The following RPS6KA6 variants were observed in gnomAD, a reference collection of about 807,000 sequenced individuals.
The protein encoded by RPS6KA6 is ribosomal protein S6 kinase alpha-6.
Under a neutral mutation model 65.4 loss-of-function variants are expected in RPS6KA6, and 27 were observed. The ratio of observed to expected loss-of-function variants is 0.41; its 90% CI spans 0.30 to 0.57. The LOEUF is 0.57. Among genes scored for constraint, RPS6KA6 ranks in the 20% least tolerant of loss-of-function variants. The probability of loss-of-function intolerance (pLI) is 0.24; values close to 1 mark genes in which losing one functional copy is unlikely to be tolerated. For synonymous variants in RPS6KA6, 190 were observed against 184.2 expected (o/e 1.03, Z -0.26); for missense variants, 486 against 555.6 (o/e 0.87, Z 1.26).
At chrX:84,078,531 CA>C (rs2033710723) in intron 20 of RPS6KA6, among the ~76,000 whole-genome samples, 1 of 111,064 alleles carries the variant, frequency 9.0e-6, no homozygotes, top group Non-Finnish European at 1.9e-5. Flanking sequence ...CACAAAACAA[CA>C]CAAATGTCCA....
At chrX:84,067,893 G>A (rs1284584695) in intron 20 of RPS6KA6, among the ~76,000 whole-genome samples, 1 of 111,887 alleles carries the variant, frequency 8.9e-6, no homozygotes, top group Non-Finnish European at 1.9e-5. Context: ...CCTACAAAGG[G>A]AAGCTCATCA....
chrX:84,162,152 A>C, intron 2 of RPS6KA6, among the ~76,000 whole-genome samples: 1 of 110,644 alleles, frequency 9.0e-6, no homozygotes, highest in East Asian at 2.8e-4. Context: ...GATATTAGAT[A>C]TAGTTTATCA....
At chrX:84,099,053 T>G (rs753644881) in intron 18 of RPS6KA6, among the ~76,000 whole-genome samples, 3 of 111,184 alleles carry the variant, frequency 2.7e-5, no homozygotes, top group Admixed American at 1.9e-4. Context: ...TTTCCCTGAT[T>G]CCCTTAGGAA....
chrX:84,091,852 C>A (rs1016308422), intron 20 of RPS6KA6, among the ~76,000 whole-genome samples: 13 of 111,855 alleles, frequency 1.2e-4, no homozygotes, highest in Non-Finnish European at 2.3e-4. Flanking sequence ...GAATACTATG[C>A]AGCCATAAAA....
rs1362550536 is a variant in RPS6KA6, at chrX:84,104,648, C to T, written c.1465G>A (p.Asp489Asn). 9.0e-7 allele frequency: 1 copy of T among 1,107,571 alleles called. No individual in the cohort carries two copies. Among genetic ancestry groups the T allele is most frequent in the Non-Finnish European group, 1.2e-6 (1 of 833,588 alleles). The allele number at this position is 1,107,571 out of a possible 1,213,427, so 91.3% of individuals were successfully genotyped here. A position where few individuals can be genotyped will look rare whatever the true frequency, so the allele number is the denominator to read the frequency against. Reference protein sequence around the residue: ...NIITLKDVFDDGRYVYLVTDL... With the variant: ...NIITLKDVFDNGRYVYLVTDL... ...GTAACAAGGTAAACATATCTACCATCATCAAAGACCTACAAAAGAACGCAG... is the reference window on the plus strand; with the variant it reads ...GTAACAAGGTAAACATATCTACCATTATCAAAGACCTACAAAAGAACGCAG... The change falls in exon 17 of 22, where the codon GAT becomes AAT. Residue 489 changes from aspartate (D) to asparagine (N), a missense_variant. By Grantham distance (23) the Asp-to-Asn change is conservative. Coordinates refer to ENST00000262752, the MANE Select transcript of RPS6KA6 (RefSeq NM_014496.5).
chrX:84,148,586 A>G (rs2035242101), intron 3 of RPS6KA6, among the ~76,000 whole-genome samples: 1 of 111,236 alleles, frequency 9.0e-6, no homozygotes, highest in South Asian at 3.8e-4. Context: ...GAATTTTGTG[A>G]TGTAAGAGAT....
intron 5 of RPS6KA6, 38 bp from the exon 6 acceptor site, chrX:84,145,595 A>G: frequency 1.3e-6 from 1 of 750,831 alleles, no homozygotes; most frequent in Non-Finnish European, 1.9e-6. Flanking sequence ...GGATAATCTC[A>G]AAGGCTTAAA....
At chrX:84,116,135 A>G in intron 12 of RPS6KA6, 94 bp downstream of exon 12, 1 of 502,011 alleles carries the variant, frequency 2.0e-6, no homozygotes, top group Non-Finnish European at 3.3e-6. Context: ...TAAATATTCC[A>G]CTGATTTGTT....
At chrX:84,146,922 T>G in intron 5 of RPS6KA6, 56 bp downstream of exon 5, 1 of 638,385 alleles carries the variant, frequency 1.6e-6, no homozygotes, top group African/African-American at 2.3e-5. Context: ...ATTCTCTAAT[T>G]CCATATTAAT....
intron 12 of RPS6KA6, among the ~76,000 whole-genome samples, chrX:84,115,794 A>G (rs964551668): frequency 8.9e-6 from 1 of 111,931 alleles, no homozygotes; most frequent in African/African-American, 3.2e-5. Context: ...TAAAATCATT[A>G]TCTTTGCAGC....
intron 1 of RPS6KA6, among the ~76,000 whole-genome samples, chrX:84,164,773 G>C (rs189229351): frequency 1.5e-4 from 17 of 111,751 alleles, no homozygotes; most frequent in African/African-American, 4.2e-4. Flanking sequence ...AATAAGAACA[G>C]TTTTATATAA....
At position 84,062,677 on chromosome X, in the gene RPS6KA6, T is replaced by C. The variant is rs1473209460; in HGVS notation, c.*1600A>G. 1.8e-5 allele frequency: 2 copies of C among 111,535 alleles called. No homozygotes were observed. The highest frequency in any genetic ancestry group is 2.8e-4 in the East Asian group (1 of 3,588). 9.2% of individuals were successfully genotyped at this position (111,535 alleles called of 1,213,427 possible). On this transcript the variant is annotated 3_prime_UTR_variant, in exon 22 of 22. Transcript: ENST00000262752. Reference sequence around the variant, plus strand: ...CACCCAGGAAACAGATATTTGTGCATGGGGTATAGATTATTTACATTACAA... The same window carrying C: ...CACCCAGGAAACAGATATTTGTGCACGGGGTATAGATTATTTACATTACAA...
At chrX:84,101,363 T>C (rs1160046834) in intron 18 of RPS6KA6, among the ~76,000 whole-genome samples, 1 of 110,920 alleles carries the variant, frequency 9.0e-6, no homozygotes, top group African/African-American at 3.3e-5. Context: ...AGAATGAATG[T>C]TACAGCTTCC....
chrX:84,117,828 AG>A (rs2034597081), intron 9 of RPS6KA6, among the ~76,000 whole-genome samples: 1 of 111,576 alleles, frequency 9.0e-6, no homozygotes, highest in African/African-American at 3.3e-5. Flanking sequence ...AAAAATAAGC[AG>A]AAAAGCATTT....
chrX:84,095,876 A>G (rs1426865884), intron 20 of RPS6KA6, among the ~76,000 whole-genome samples: 1 of 111,991 alleles, frequency 8.9e-6, no homozygotes, highest in Non-Finnish European at 1.9e-5. Context: ...ATGGAAATAC[A>G]TGGTAAATCT....
chrX:84,132,942 T>C (rs1398804683), intron 8 of RPS6KA6, among the ~76,000 whole-genome samples: 1 of 108,846 alleles, frequency 9.2e-6, no homozygotes, highest in Non-Finnish European at 1.9e-5. Context: ...GCCATTCTCC[T>C]GCAATTATTT....
At chrX:84,156,213 A>G (rs575596989) in intron 2 of RPS6KA6, 22 bp from the exon 3 acceptor site, 1 of 848,479 alleles carries the variant, frequency 1.2e-6, no homozygotes, top group South Asian at 2.1e-5. Flanking sequence ...AATCCAAACA[A>G]TACTTGAATC....
At chrX:84,103,032 C>A (rs138797417) in intron 17 of RPS6KA6, among the ~76,000 whole-genome samples, 2 of 110,537 alleles carry the variant, frequency 1.8e-5, no homozygotes, top group East Asian at 5.7e-4. Flanking sequence ...CAGTTCAAGC[C>A]CAGCCAAGAA....
At position 84,065,038 on chromosome X, in the gene RPS6KA6, C is replaced by T; in HGVS notation, c.2045G>A (p.Trp682Ter). 8.3e-7 allele frequency: 1 copy of T among 1,200,332 alleles called. No homozygotes were observed. Among genetic ancestry groups the T allele is most frequent in the Non-Finnish European group, 1.1e-6 (1 of 886,147 alleles). The change falls in exon 21 of 22, where the codon TGG becomes TAG. Residue 682 changes from tryptophan to a stop codon, truncating the protein, a stop_gained. Coordinates refer to ENST00000262752, the MANE Select transcript of RPS6KA6 (RefSeq NM_014496.5). LOFTEE classifies it high-confidence loss of function. Reference sequence around the variant, plus strand: ...TGGCAACTGGTCTCTGTGAGTTATCCATGAGTGCTTTAATATTTGTTCAGC... The same window carrying T: ...TGGCAACTGGTCTCTGTGAGTTATCTATGAGTGCTTTAATATTTGTTCAGC... ...YTAEQILKHSWITHRDQLPND... is the reference protein window; with the variant it reads ...YTAEQILKHS
Sources: allele counts gnomAD v4.1 joint callset (sites outside exome capture counted in the v4.1 genomes callset), GRCh38; gene constraint gnomAD v4.1.1; transcripts MANE v1.5; gene names NCBI Gene and HGNC (gene_info 2026-07-23, HGNC 2026-07-21).